Variants in KCNQ3 observed in about 807,000 individuals in gnomAD.
KCNQ3 encodes the protein potassium voltage-gated channel subfamily Q member 3.
Under a neutral mutation model 92.5 loss-of-function variants are expected in KCNQ3, and 30 were observed. The observed-to-expected ratio is 0.32, with a 90% CI of 0.24 to 0.44. The LOEUF (loss-of-function observed/expected upper bound fraction) is 0.44, where lower values mean the gene tolerates loss of function less well. Ranked by LOEUF, KCNQ3 falls within the 20% of genes least tolerant of loss-of-function variation. The pLI is 1.00. For synonymous variants in KCNQ3, 450 were observed against 468.8 expected, an observed-to-expected ratio of 0.96 and a Z score of 0.52; for missense variants, 913 against 1,140.3, an observed-to-expected ratio of 0.80 and a Z score of 2.87.
At chr8:132,462,270 C>T (rs1484265861) in intron 1 of KCNQ3, among the ~76,000 whole-genome samples, 1 of 152,052 alleles carries the variant, frequency 6.6e-6, no homozygotes, top group African/African-American at 2.4e-5. Flanking sequence ...GCTATCTCGG[C>T]TCACTGCAAT....
At chr8:132,132,446 C>A (rs1276527339) in intron 13 of KCNQ3, among the ~76,000 whole-genome samples, 182 bp from the exon 14 acceptor site, 1 of 152,244 alleles carries the variant, frequency 6.6e-6, no homozygotes, top group Non-Finnish European at 1.5e-5. Context: ...AGTTTTTCTG[C>A]ATTCAACACT....
chr8:132,138,296 G>A (rs1451424942), intron 11 of KCNQ3, among the ~76,000 whole-genome samples: 1 of 152,158 alleles, frequency 6.6e-6, no homozygotes, highest in East Asian at 1.9e-4. Context: ...CAGACCATGA[G>A]CTTAATTAAT....
At chr8:132,269,284 T>C (rs536118374) in intron 1 of KCNQ3, among the ~76,000 whole-genome samples, 5 of 152,362 alleles carry the variant, frequency 3.3e-5, no homozygotes, top group Admixed American at 6.5e-5. Flanking sequence ...ATCATTACCA[T>C]ACCCAAAGTC....
intron 11 of KCNQ3, among the ~76,000 whole-genome samples, chr8:132,138,415 T>A (rs1207222861): frequency 6.6e-6 from 1 of 152,192 alleles, no homozygotes; most frequent in African/African-American, 2.4e-5. Flanking sequence ...GAGCTGGTCC[T>A]CAAACCCAGA....
At chr8:132,158,878 T>C (rs1372988144) in intron 9 of KCNQ3, among the ~76,000 whole-genome samples, 1 of 152,164 alleles carries the variant, frequency 6.6e-6, no homozygotes, top group Non-Finnish European at 1.5e-5. Context: ...GGGAAAGACA[T>C]AATCATCACA....
In KCNQ3 at chr8:132,208,820, C is replaced by G. The variant is rs182156936; in HGVS notation, c.387-22639G>C. 1.5e-3 allele frequency among the ~76,000 whole-genome samples: 226 copies of G among 152,248 alleles called. 1 individual carries two copies. The highest frequency in any genetic ancestry group is 5.2e-3 in the African/African-American group (216 of 41,530). On this transcript the variant is annotated intron_variant, in intron 1 of 14. Coordinates refer to ENST00000388996, the MANE Select transcript of KCNQ3 (RefSeq NM_004519.4). ...TGGGAGAAACAAGTGAGCTCATACA[C>G]AGAAAATTCTAGTACCATACCTGGC...
intron 1 of KCNQ3, among the ~76,000 whole-genome samples, chr8:132,316,295 C>T (rs1817740779): frequency 6.6e-6 from 1 of 152,184 alleles, no homozygotes; most frequent in South Asian, 2.1e-4. Context: ...GAGTTCCTAT[C>T]TTCTCCCCTT....
chr8:132,320,707 C>T (rs185315868), intron 1 of KCNQ3, among the ~76,000 whole-genome samples: 1 of 152,114 alleles, frequency 6.6e-6, no homozygotes, highest in African/African-American at 2.4e-5. Flanking sequence ...GCCAGAGCCC[C>T]TGAAATTACA....
rs116603438 is a variant in KCNQ3 at position 132,291,140 on chromosome 8, C to A, written c.387-104959G>T. 8.9e-4 allele frequency among the ~76,000 whole-genome samples: 135 copies of A among 152,270 alleles called. 1 individual carries two copies. The highest frequency in any genetic ancestry group is 3.2e-3 in the African/African-American group (133 of 41,552). ...AGACTAGGGTGGGAGGAAAGGGAGACAGCAAATTGAGACAATAGTTTTGGG... is the reference window on the plus strand; with the variant it reads ...AGACTAGGGTGGGAGGAAAGGGAGAAAGCAAATTGAGACAATAGTTTTGGG... On this transcript the variant is annotated intron_variant, in intron 1 of 14. Coordinates refer to ENST00000388996, the MANE Select transcript of KCNQ3 (RefSeq NM_004519.4).
chr8:132,448,502 GAAA>G, intron 1 of KCNQ3, among the ~76,000 whole-genome samples: 1,023 of 93,836 alleles, frequency 0.011, 3 homozygotes, highest in Non-Finnish European at 0.016. Context: ...GGAGAAATAT[GAAA>G]AAAAAAAAAA....
intron 1 of KCNQ3, among the ~76,000 whole-genome samples, chr8:132,346,036 G>A (rs1713795234): frequency 1.3e-5 from 2 of 151,996 alleles, no homozygotes; most frequent in Admixed American, 1.3e-4. Context: ...TGATGAAAAG[G>A]TCATGATGGT....
chr8:132,333,938 G>C (rs1446634035), intron 1 of KCNQ3, among the ~76,000 whole-genome samples: 2 of 151,850 alleles, frequency 1.3e-5, no homozygotes, highest in Non-Finnish European at 2.9e-5. Flanking sequence ...TCACCATGTT[G>C]GCCAGGCTCG....
intron 1 of KCNQ3, among the ~76,000 whole-genome samples, chr8:132,443,318 C>T (rs189377647): frequency 2.8e-4 from 43 of 152,046 alleles, no homozygotes; most frequent in Admixed American, 5.9e-4. Flanking sequence ...CTTTGTTCAC[C>T]GCTAAAGGCA....
chr8:132,335,551 G>A (rs772814658), intron 1 of KCNQ3, among the ~76,000 whole-genome samples: 2 of 152,200 alleles, frequency 1.3e-5, no homozygotes, highest in Non-Finnish European at 2.9e-5. Context: ...AGGAATTAGA[G>A]GGTGACGGTA....
intron 1 of KCNQ3, among the ~76,000 whole-genome samples, chr8:132,189,638 C>A (rs1211296929): frequency 6.6e-6 from 1 of 151,876 alleles, no homozygotes; most frequent in African/African-American, 2.4e-5. Flanking sequence ...TCCAGCCTGA[C>A]CAACGTGGAG....
intron 10 of KCNQ3, 46 bp downstream of exon 10, chr8:132,141,083 G>T: frequency 1.3e-6 from 2 of 1,552,626 alleles, no homozygotes; most frequent in Non-Finnish European, 1.8e-6. Context: ...TGGACTTGGG[G>T]GAGGAAGAAG....
rs1161546168 is a variant in KCNQ3 at position 132,129,197 on chromosome 8, G to A, written c.*65C>T. ...GTGTCCCCGCTGGTAAGCGTCGGGT[G>A]TAAGAGTAAGTGAACTATACAAAGT... On this transcript the variant is annotated 3_prime_UTR_variant, in exon 15 of 15. Transcript: ENST00000388996. The surrounding 1 kb of genome is among the most constrained non-coding windows in gnomAD (Gnocchi z 5.9). 1.9e-6 allele frequency: 3 copies of A among 1,575,896 alleles called. No homozygotes were observed. The highest frequency in any genetic ancestry group is 2.2e-5 in the East Asian group (1 of 44,568).
rs773460048 is a variant in KCNQ3, at chr8:132,126,376, C to T, written c.*2886G>A. 9.9e-5 allele frequency: 15 copies of T among 152,148 alleles called. No individual in the cohort carries two copies. Among genetic ancestry groups the T allele is most frequent in the Non-Finnish European group, 7.3e-5 (5 of 68,040 alleles). 9.4% of individuals were successfully genotyped at this position (152,148 alleles called of 1,614,324 possible). A position where few individuals can be genotyped will look rare whatever the true frequency, so the allele number is the denominator to read the frequency against. On this transcript the variant is annotated 3_prime_UTR_variant, in exon 15 of 15. Coordinates refer to ENST00000388996, the MANE Select transcript of KCNQ3 (RefSeq NM_004519.4). Reference sequence around the variant, plus strand: ...TTCAATTCCAGACCCTGAATTTCTGCTTGCTCACTGTGAGCCATATTGTTG... The same window carrying T: ...TTCAATTCCAGACCCTGAATTTCTGTTTGCTCACTGTGAGCCATATTGTTG...
At chr8:132,236,004 G>C (rs777035288) in intron 1 of KCNQ3, among the ~76,000 whole-genome samples, 5 of 152,210 alleles carry the variant, frequency 3.3e-5, no homozygotes, top group Non-Finnish European at 7.3e-5. Flanking sequence ...CTAAGACCCA[G>C]CACATGCCCT....
Sources: gnomAD v4.1 joint callset for allele counts (sites outside exome capture counted in the v4.1 genomes callset) on GRCh38, gnomAD v4.1.1 for gene constraint, Gnocchi (gnomAD v3.1) non-coding constraint, MANE v1.5 for transcripts, NCBI Gene and HGNC (gene_info 2026-07-23, HGNC 2026-07-21) for gene names.